The following CREB5 variants were observed in gnomAD, a reference collection of about 807,000 sequenced individuals.
CREB5 encodes cyclic AMP-responsive element-binding protein 5.
In CREB5, 19 loss-of-function variants were observed where a neutral mutation model predicts 57.1. That is an observed-to-expected ratio of 0.33 (90% CI 0.23 to 0.49). The LOEUF is 0.49. Among genes scored for constraint, CREB5 ranks in the 20% least tolerant of loss-of-function variants. The pLI is 0.99. For missense variants in CREB5, 579 were observed against 671.6 expected, an observed-to-expected ratio of 0.86 and a Z score of 1.52; for synonymous variants, 238 against 238.3, an observed-to-expected ratio of 1.00 and a Z score of 0.01.
chr7:28,658,981 G>GTGTATATATATATATATA (rs1799477666), intron 5 of CREB5, among the ~76,000 whole-genome samples: 3 of 90,092 alleles, frequency 3.3e-5, no homozygotes, highest in African/African-American at 7.6e-5. Flanking sequence ...ATATATATAT[G>GTGTATATATATATATATA]TATATATAAG....
chr7:28,333,213 T>G lies in CREB5; in HGVS notation c.-25+33772T>G, dbSNP rs77701400. Reference sequence around the variant, plus strand: ...GTAATCTAACCTTCAGCATGGTCTTTTTTCTACTTTTATATTTTGTTTAGC... The same window carrying G: ...GTAATCTAACCTTCAGCATGGTCTTGTTTCTACTTTTATATTTTGTTTAGC... On this transcript the variant is annotated intron_variant, in intron 1 of 9. Coordinates refer to the CREB5 transcript ENST00000396299. Among the ~76,000 whole-genome samples, 968 of 152,372 alleles carry G rather than the reference T, an allele frequency of 6.4e-3. 5 individuals are homozygous for G. Among genetic ancestry groups the G allele is most frequent in the African/African-American group, 0.022 (913 of 41,596 alleles).
Position 28,585,190 on chromosome 7 carries a change from A to G in CREB5, c.464+14653A>G, listed in dbSNP as rs998863821. On this transcript the variant is annotated intron_variant, in intron 5 of 10. Coordinates refer to ENST00000357727, the MANE Select transcript of CREB5 (RefSeq NM_182898.4). ...TCTTGTTGATTAAGCTGTCTGCCCT[A>G]TAATTTGCAAAGAATGGAAGATCAG... Among the ~76,000 whole-genome samples, 5 of 152,364 alleles carry G rather than the reference A, an allele frequency of 3.3e-5. 1 individual carries two copies. Among genetic ancestry groups the G allele is most frequent in the Non-Finnish European group, 2.9e-5 (2 of 68,038 alleles).
At chr7:28,462,206 A>C (rs1225533401) in intron 1 of CREB5, among the ~76,000 whole-genome samples, 1 of 152,200 alleles carries the variant, frequency 6.6e-6, no homozygotes. Flanking sequence ...CACTTAGCAT[A>C]ACTTTTTCAA....
chr7:28,420,099 ATT>A (rs3041011), intron 1 of CREB5, among the ~76,000 whole-genome samples: 81,051 of 150,190 alleles, frequency 0.54, 23,408 homozygotes, highest in East Asian at 0.71. Context: ...GCAAAGTACA[ATT>A]TTTTTTTTTT....
At chr7:28,680,618 G>A (rs1323199192) in intron 5 of CREB5, among the ~76,000 whole-genome samples, 1 of 152,132 alleles carries the variant, frequency 6.6e-6, no homozygotes, top group African/African-American at 2.4e-5. Flanking sequence ...AATTAGCCAA[G>A]CATGGTGGTG....
intron 1 of CREB5, among the ~76,000 whole-genome samples, chr7:28,388,460 A>T (rs1787153760): frequency 6.6e-6 from 1 of 152,196 alleles, no homozygotes; most frequent in Admixed American, 6.5e-5. Flanking sequence ...AGATGCCTAC[A>T]GGGCAGCCAT....
In CREB5 at chr7:28,491,511, T is replaced by G. The variant is rs573984984; in HGVS notation, c.75+3265T>G. Among the ~76,000 whole-genome samples the G allele has an allele frequency of 5.3e-5, 8 of 152,308 alleles. No homozygotes were observed. In the East Asian group the frequency reaches 9.6e-4, roughly 18 times the overall value. Reference sequence around the variant, plus strand: ...AGGCTGAATGGACTGAGGAAATGGTTGGACAGACATGGAAATTGGGATTGA... The same window carrying G: ...AGGCTGAATGGACTGAGGAAATGGTGGGACAGACATGGAAATTGGGATTGA... On this transcript the variant is annotated intron_variant, in intron 2 of 10. Transcript: ENST00000357727.
rs79974561 is a variant in CREB5, at chr7:28,328,167, T to C, written c.-25+28726T>C. On this transcript the variant is annotated intron_variant, in intron 1 of 9. Coordinates refer to the CREB5 transcript ENST00000396299. ...TATCAAGTGAACTCAGAAGAATGGATGAGAACAAGCTACTCCTTTTGCGTG... is the reference window on the plus strand; with the variant it reads ...TATCAAGTGAACTCAGAAGAATGGACGAGAACAAGCTACTCCTTTTGCGTG... 2.2e-3 allele frequency among the ~76,000 whole-genome samples: 336 copies of C among 152,340 alleles called. 1 individual carries two copies. Among genetic ancestry groups the C allele is most frequent in the Non-Finnish European group, 3.4e-3 (232 of 68,026 alleles).
chr7:28,573,865 A>G (rs1342298657), intron 5 of CREB5, among the ~76,000 whole-genome samples: 3 of 152,220 alleles, frequency 2.0e-5, no homozygotes, highest in Non-Finnish European at 4.4e-5. Context: ...AAGTAATGTT[A>G]AAAGGAAGTA....
At chr7:28,470,525 T>G (rs2128581948) in intron 1 of CREB5, among the ~76,000 whole-genome samples, 1 of 152,344 alleles carries the variant, frequency 6.6e-6, no homozygotes, top group African/African-American at 2.4e-5. Context: ...TGAACAGTGC[T>G]ACAACAAACA....
chr7:28,511,094 TA>T (rs1332125098), intron 4 of CREB5, among the ~76,000 whole-genome samples: 1 of 151,812 alleles, frequency 6.6e-6, no homozygotes, highest in Admixed American at 6.6e-5. Context: ...AGTTTACCTC[TA>T]GGGGGCAAGA....
intron 1 of CREB5, among the ~76,000 whole-genome samples, chr7:28,381,916 C>T (rs764802433): frequency 2.0e-5 from 3 of 152,160 alleles, no homozygotes; most frequent in Admixed American, 6.5e-5. Flanking sequence ...GGTTTTGTTA[C>T]GGGAATTGGC....
chr7:28,517,071 A>C (rs1460303668), intron 4 of CREB5, among the ~76,000 whole-genome samples: 1 of 152,200 alleles, frequency 6.6e-6, no homozygotes, highest in East Asian at 1.9e-4. Flanking sequence ...GTAAATGACT[A>C]AAAGATGAAG....
At chr7:28,819,083 ATGTGTGTG>A (rs746514385) in intron 10 of CREB5, 25 bp from the exon 11 acceptor site, 251 of 1,597,532 alleles carry the variant, frequency 1.6e-4, no homozygotes, top group Non-Finnish European at 2.1e-4. Flanking sequence ...GTGTGTGTGT[ATGTGTGTG>A]TGTTGTCTTT....
intron 1 of CREB5, among the ~76,000 whole-genome samples, chr7:28,455,996 C>A (rs1360022165): frequency 1.3e-5 from 2 of 152,172 alleles, no homozygotes; most frequent in Admixed American, 1.3e-4. Flanking sequence ...CAACTTTTAA[C>A]CTCAGTCCCC....
chr7:28,793,145 G>A (rs1456559853), intron 7 of CREB5, among the ~76,000 whole-genome samples: 6 of 151,876 alleles, frequency 4.0e-5, no homozygotes, highest in South Asian at 2.1e-4. Flanking sequence ...CTCTCATATC[G>A]GTGGTGAGTA....
chr7:28,520,560 C>A (rs558676946), intron 4 of CREB5, among the ~76,000 whole-genome samples: 41 of 152,356 alleles, frequency 2.7e-4, no homozygotes, highest in African/African-American at 9.1e-4. Context: ...ACTGGGCTGA[C>A]TGTAAAATCA....
chr7:28,763,748 G>A (rs754354395), intron 7 of CREB5, among the ~76,000 whole-genome samples: 19 of 151,872 alleles, frequency 1.3e-4, no homozygotes, highest in Middle Eastern at 3.4e-3. Context: ...CTTACTTTTT[G>A]TTCTTATTCA....
intron 1 of CREB5, among the ~76,000 whole-genome samples, chr7:28,401,200 A>G (rs951799521): frequency 6.6e-6 from 1 of 152,128 alleles, no homozygotes; most frequent in Non-Finnish European, 1.5e-5. Context: ...AGGGATGTTA[A>G]CATGCTAATA....
Sources: allele counts gnomAD v4.1 joint callset (sites outside exome capture counted in the v4.1 genomes callset), GRCh38; gene constraint gnomAD v4.1.1; transcripts MANE v1.5; gene names NCBI Gene and HGNC (gene_info 2026-07-23, HGNC 2026-07-21).